The following LIPN variants were observed in gnomAD, a reference collection of about 807,000 sequenced individuals.
The protein encoded by LIPN is lipase family member N, also known as lipase member N.
Under a neutral mutation model 43.7 loss-of-function variants are expected in LIPN, and 32 were observed. That is an observed-to-expected ratio of 0.73 (90% CI 0.55 to 0.98). LIPN has a LOEUF of 0.98. LIPN is among the 50% of genes least tolerant of loss of function. The probability of loss-of-function intolerance (pLI) is 0.00; values close to 1 mark genes in which losing one functional copy is unlikely to be tolerated. For synonymous variants in LIPN, 156 were observed against 157.6 expected (o/e 0.99, Z 0.08); for missense variants, 505 against 483.8 (o/e 1.04, Z -0.41).
In LIPN at chr10:88,763,969, A is replaced by G. The variant is rs573379689; in HGVS notation, c.227-441A>G. 1.1e-4 allele frequency among the ~76,000 whole-genome samples: 16 copies of G among 152,142 alleles called. No individual in the cohort carries two copies. In the East Asian group the frequency reaches 3.1e-3, roughly 30 times the overall value. On this transcript the variant is annotated intron_variant, in intron 3 of 9. Coordinates refer to ENST00000404459, the MANE Select transcript of LIPN (RefSeq NM_001102469.2). ...CCAGGAAATTTGTATATACAAATAC[A>G]TAGAGCACAGTAGTTATCAGGACAG...
intron 1 of LIPN, 116 bp from the exon 2 acceptor site, chr10:88,761,282 G>T: frequency 1.5e-6 from 1 of 685,504 alleles, no homozygotes; most frequent in Non-Finnish European, 2.6e-6. Context: ...TACATTATCT[G>T]CCTTCGGTGT....
At chr10:88,757,962 G>A (rs1445839772), upstream of LIPN, among the ~76,000 whole-genome samples, 1 of 152,086 alleles carries the variant, frequency 6.6e-6, no homozygotes, top group African/African-American at 2.4e-5. Context: ...TCTCAAAAGT[G>A]TGAGGTTCAA....
At position 88,778,072 on chromosome 10, in the gene LIPN, C is replaced by G. The variant is rs753601488; in HGVS notation, c.1027C>G (p.His343Asp). The G allele has an allele frequency of 4.3e-6, 7 of 1,613,644 alleles. No individual in the cohort carries two copies. Among genetic ancestry groups the G allele is most frequent in the Admixed American group, 3.3e-5 (2 of 59,954 alleles). ...KVPTAIWAGG[H>D]DVLVTPQDVA... ...GCCTACTGCTATTTGGGCTGGTGGA[C>G]ATGATGTCCTCGTAACACCCCAGGA... Residue 343 changes from histidine to aspartate, a missense_variant, in exon 10 of 10, where the codon CAT becomes GAT. Coordinates refer to ENST00000404459, the MANE Select transcript of LIPN (RefSeq NM_001102469.2).
intron 7 of LIPN, among the ~76,000 whole-genome samples, chr10:88,773,578 T>C (rs1347349977): frequency 1.3e-5 from 2 of 151,786 alleles, no homozygotes; most frequent in African/African-American, 4.8e-5. Flanking sequence ...TTTTCTGTTA[T>C]TGAGAATTCA....
At chr10:88,771,416 C>T (rs933382342) in intron 7 of LIPN, among the ~76,000 whole-genome samples, 2 of 151,804 alleles carry the variant, frequency 1.3e-5, no homozygotes, top group Non-Finnish European at 2.9e-5. Context: ...TCCCCCTCCC[C>T]TACTACCTTT....
chr10:88,769,502 T>C (rs1451254710), intron 6 of LIPN: 1 of 775,846 alleles, frequency 1.3e-6, no homozygotes, highest in Non-Finnish European at 1.6e-6. Context: ...TGGGATTTTA[T>C]CTATTAAAGG....
upstream of LIPN, among the ~76,000 whole-genome samples, chr10:88,758,974 T>C (rs1842960080): frequency 1.3e-5 from 2 of 152,286 alleles, no homozygotes; most frequent in East Asian, 3.9e-4. Context: ...AGGATTGTTT[T>C]TGAAGTTAAA....
intron 5 of LIPN, 60 bp from the exon 6 acceptor site, chr10:88,768,732 G>C: frequency 6.7e-7 from 1 of 1,493,998 alleles, no homozygotes; most frequent in Non-Finnish European, 9.2e-7. Flanking sequence ...CCCCAATTTT[G>C]TTAGAAACAC....
intron 3 of LIPN, among the ~76,000 whole-genome samples, chr10:88,762,913 G>A (rs1843027225): frequency 6.6e-6 from 1 of 151,962 alleles, no homozygotes; most frequent in Non-Finnish European, 1.5e-5. Context: ...CCATAGCAGG[G>A]GAATGATACT....
intron 9 of LIPN, among the ~76,000 whole-genome samples, chr10:88,776,162 C>T (rs1379772594): frequency 6.6e-6 from 1 of 151,588 alleles, no homozygotes; most frequent in African/African-American, 2.4e-5. Context: ...TTTTTTCCTG[C>T]TCCTGAGACT....
rs985360679 is a variant in LIPN, at chr10:88,764,406, C to A, written c.227-4C>A. On this transcript the variant is annotated splice_polypyrimidine_tract_variant and splice_region_variant and intron_variant, in intron 3 of 9. Coordinates refer to ENST00000404459, the MANE Select transcript of LIPN (RefSeq NM_001102469.2). ...CTCTCTCATCTTACCCTTTCCCCCA[C>A]CAGGTCCCCGGCCAGTTGTGTATAT... 1.2e-6 allele frequency: 2 copies of A among 1,606,150 alleles called. No individual in the cohort carries two copies. The highest frequency in any genetic ancestry group is 8.5e-7 in the Non-Finnish European group (1 of 1,175,496).
chr10:88,776,918 T>C (rs535758209), intron 9 of LIPN, among the ~76,000 whole-genome samples: 1 of 152,186 alleles, frequency 6.6e-6, no homozygotes, highest in East Asian at 1.9e-4. Flanking sequence ...TTCCCCTTCC[T>C]TCCTGCCTCC....
At chr10:88,762,410 G>T (rs1242958221) in intron 3 of LIPN, 105 bp downstream of exon 3, 4 of 716,834 alleles carry the variant, frequency 5.6e-6, no homozygotes, top group South Asian at 1.7e-5. Context: ...AAATTGGTTT[G>T]AATTATTGGA....
At chr10:88,765,405 A>G (rs1590175362) in intron 4 of LIPN, among the ~76,000 whole-genome samples, 1 of 151,966 alleles carries the variant, frequency 6.6e-6, no homozygotes, top group East Asian at 1.9e-4. Flanking sequence ...GGAATAGAAT[A>G]GAATGTTATA....
Position 88,778,621 on chromosome 10 carries a change from G to T in LIPN, c.*379G>T, listed in dbSNP as rs1285149655. ...CCTCTGTTGTCATTTTATTTATATG[G>T]ATTGCTATGGCAATGGACAGAGTGT... On this transcript the variant is annotated 3_prime_UTR_variant, in exon 10 of 10. Transcript: ENST00000404459. Among the ~76,000 whole-genome samples, 1 of 152,146 alleles carries T rather than the reference G, an allele frequency of 6.6e-6. No individual in the cohort carries two copies. The highest frequency in any genetic ancestry group is 1.5e-5 in the Non-Finnish European group (1 of 68,012).
chr10:88,775,098 C>G lies in LIPN; in HGVS notation c.898C>G (p.His300Asp). ...TAAAAAACATTTGTTTCAGCTTTAC[C>G]ACTCTGATGAATTCAGAGCTTATGA... ...HNILHIKQLYHSDEFRAYDWG... is the reference protein window; with the variant it reads ...HNILHIKQLYDSDEFRAYDWG... Residue 300 changes from histidine to aspartate, a missense_variant, in exon 9 of 10, where the codon CAC becomes GAC. Transcript: ENST00000404459. The G allele has an allele frequency of 6.5e-7, 1 of 1,534,982 alleles. No homozygotes were observed. Among genetic ancestry groups the G allele is most frequent in the Non-Finnish European group, 8.8e-7 (1 of 1,135,540 alleles).
intron 4 of LIPN, among the ~76,000 whole-genome samples, chr10:88,765,410 G>A (rs143999587): frequency 2.0e-5 from 3 of 151,960 alleles, no homozygotes; most frequent in Middle Eastern, 3.4e-3. Flanking sequence ...AGAATAGAAT[G>A]TTATAGTCTG....
At chr10:88,768,057 CACACAT>C (rs146587537) in intron 5 of LIPN, among the ~76,000 whole-genome samples, 4,264 of 131,912 alleles carry the variant, frequency 0.032, 139 homozygotes, top group East Asian at 0.12. Context: ...CACACACACA[CACACAT>C]GCCAGTGGAG....
At chr10:88,776,887 C>T (rs1843304415) in intron 9 of LIPN, among the ~76,000 whole-genome samples, 2 of 152,028 alleles carry the variant, frequency 1.3e-5, no homozygotes, top group South Asian at 4.1e-4. Flanking sequence ...GTCCTGTGCC[C>T]TTGATCCCAT....
Sources: allele counts gnomAD v4.1 joint callset (sites outside exome capture counted in the v4.1 genomes callset), GRCh38; gene constraint gnomAD v4.1.1; transcripts MANE v1.5; gene names NCBI Gene and HGNC (gene_info 2026-07-23, HGNC 2026-07-21).